The following INSL6 variants were observed in gnomAD, a reference collection of about 807,000 sequenced individuals.
The protein encoded by INSL6 is insulin like 6.
Under a neutral mutation model 9.4 loss-of-function variants are expected in INSL6, and 16 were observed. The ratio of observed to expected loss-of-function variants is 1.70; its 90% CI spans 1.15 to 2.59. The LOEUF is 2.59. Among genes scored for constraint, INSL6 ranks in the 30% most tolerant of loss-of-function variants. The probability of loss-of-function intolerance (pLI) is 0.00; values close to 1 mark genes in which losing one functional copy is unlikely to be tolerated. For missense variants in INSL6, 391 were observed against 257.3 expected (o/e 1.52, Z -3.56); for synonymous variants, 154 against 96.9 (o/e 1.59, Z -3.46).
intron 2 of INSL6, among the ~76,000 whole-genome samples, chr9:5,152,122 T>C (rs571846432): frequency 2.0e-5 from 3 of 152,032 alleles, no homozygotes; most frequent in South Asian, 4.1e-4. Flanking sequence ...AGAAGGCAAA[T>C]AGGCAAATCC....
downstream of INSL6, among the ~76,000 whole-genome samples, chr9:5,159,152 A>T (rs1824872649): frequency 6.6e-6 from 1 of 152,136 alleles, no homozygotes; most frequent in Non-Finnish European, 1.5e-5. Context: ...ATACACAAAA[A>T]ATCAAAAAGC....
chr9:5,056,679 A>T, the INSL6 span, among the ~76,000 whole-genome samples: 2 of 152,292 alleles, frequency 1.3e-5, no homozygotes, highest in Admixed American at 1.3e-4. Context: ...GTTTAGAAAA[A>T]GCTTGATAAA....
Position 5,149,106 on chromosome 9 carries a change from C to CT in INSL6, c.376+15072dup, listed in dbSNP as rs764897642. Among the ~76,000 whole-genome samples the CT allele has an allele frequency of 1.9e-4, 29 of 152,348 alleles. No homozygotes were observed. In the East Asian group the frequency reaches 5.6e-3, roughly 29 times the overall value. On this transcript the variant is annotated intron_variant, in intron 2 of 3. Coordinates refer to the INSL6 transcript ENST00000649639. ...CTCTGAGCTTGCTTTAACTCCATCT[C>CT]TGTCGAATCTCTGGGGAGATCCCCC... is the stretch of plus-strand genomic sequence containing the variant.
At chr9:5,169,809 G>C (rs1358534578) in intron 1 of INSL6, among the ~76,000 whole-genome samples, 2 of 152,170 alleles carry the variant, frequency 1.3e-5, no homozygotes, top group Admixed American at 6.5e-5. Flanking sequence ...TCAATAAGAA[G>C]AGCTTACTAT....
chr9:5,126,145 G>C, intron 3 of INSL6: 2 of 482,818 alleles, frequency 4.1e-6, no homozygotes, highest in East Asian at 6.8e-5. Context: ...TATGGAAATG[G>C]AAATTATAGA....
intron 2 of INSL6, among the ~76,000 whole-genome samples, chr9:5,141,612 A>G (rs890682371): frequency 9.9e-5 from 15 of 151,888 alleles, no homozygotes; most frequent in African/African-American, 3.6e-4. Context: ...TAGATGCTGG[A>G]TATTAGACCT....
At chr9:5,007,041 T>C in the INSL6 span, among the ~76,000 whole-genome samples, 1 of 152,300 alleles carries the variant, frequency 6.6e-6, no homozygotes, top group Non-Finnish European at 1.5e-5. Flanking sequence ...TCAGTCTTTC[T>C]AGTGTTTTAT....
chr9:5,087,448 G>A, the INSL6 span, among the ~76,000 whole-genome samples: 3 of 125,782 alleles, frequency 2.4e-5, no homozygotes, highest in South Asian at 7.6e-4. Context: ...GATGAGATTT[G>A]GGTGAGGACA....
the INSL6 span, among the ~76,000 whole-genome samples, chr9:4,995,283 G>A: frequency 3.2e-4 from 49 of 152,106 alleles, no homozygotes; most frequent in Non-Finnish European, 2.5e-4. Context: ...TTGAGTTTGC[G>A]AAATGAGTTG....
chr9:5,002,046 T>C, the INSL6 span, among the ~76,000 whole-genome samples: 1 of 152,030 alleles, frequency 6.6e-6, no homozygotes, highest in African/African-American at 2.4e-5. Context: ...ATGGGGCACA[T>C]ATTGGTAATA....
the INSL6 span, among the ~76,000 whole-genome samples, chr9:4,999,796 C>T: frequency 6.6e-6 from 1 of 152,216 alleles, no homozygotes. Flanking sequence ...TAAGTTGCCA[C>T]AATTTATCAG....
chr9:5,043,605 G>A, the INSL6 span, among the ~76,000 whole-genome samples: 3 of 152,148 alleles, frequency 2.0e-5, no homozygotes, highest in Non-Finnish European at 4.4e-5. Flanking sequence ...AGATATATAT[G>A]CAATAGAAAT....
chr9:5,099,875 C>G, the INSL6 span: 11 of 152,150 alleles, frequency 7.2e-5, no homozygotes, highest in Admixed American at 7.2e-4. Flanking sequence ...ATAGCAATCC[C>G]CCTGTGAGCA....
intron 2 of INSL6, among the ~76,000 whole-genome samples, chr9:5,158,666 T>C (rs1350404324): frequency 6.6e-6 from 1 of 151,808 alleles, no homozygotes; most frequent in East Asian, 1.9e-4. Context: ...GGAGAAATAC[T>C]TTCCCAGCCA....
At chr9:5,055,569 A>G in the INSL6 span, 1 of 941,324 alleles carries the variant, frequency 1.1e-6, no homozygotes, top group Non-Finnish European at 1.6e-6. Flanking sequence ...TACCTTTTTT[A>G]TTTTAAAGAA....
chr9:5,047,560 GTGACTGTTTTTTATTTCCC>G, the INSL6 span, among the ~76,000 whole-genome samples: 1 of 152,212 alleles, frequency 6.6e-6, no homozygotes, highest in Admixed American at 6.5e-5. Flanking sequence ...TTTTGTGACT[GTGACTGTTTTTTATTTCCC>G]TGGCTAATGA....
At chr9:5,094,571 A>C in the INSL6 span, 2 of 152,108 alleles carry the variant, frequency 1.3e-5, no homozygotes, top group Non-Finnish European at 2.9e-5. Flanking sequence ...CATGCATCAC[A>C]ATGCCAGAAT....
At chr9:5,152,952 G>C (rs756828090) in intron 2 of INSL6, among the ~76,000 whole-genome samples, 7 of 152,102 alleles carry the variant, frequency 4.6e-5, no homozygotes, top group Non-Finnish European at 1.0e-4. Context: ...AGGGGTCAGG[G>C]AACTCCCTCT....
At chr9:5,125,452 G>C (rs1027939838) in intron 3 of INSL6, among the ~76,000 whole-genome samples, 3 of 151,300 alleles carry the variant, frequency 2.0e-5, no homozygotes, top group African/African-American at 7.3e-5. Flanking sequence ...AGTCTTTTAA[G>C]TAACACTTCA....
Sources: allele counts gnomAD v4.1 joint callset (sites outside exome capture counted in the v4.1 genomes callset), GRCh38; gene constraint gnomAD v4.1.1; transcripts MANE v1.5; gene names NCBI Gene and HGNC (gene_info 2026-07-23, HGNC 2026-07-21).